CAND2: variants seen among roughly 807,000 people sequenced by gnomAD.
CAND2 encodes the protein cullin associated and neddylation dissociated 2 (putative), also known as cullin-associated NEDD8-dissociated protein 2.
CAND2 carries 62 observed loss-of-function variants against 98.9 expected under a neutral mutation model. The ratio of observed to expected loss-of-function variants is 0.63; its 90% confidence interval spans 0.51 to 0.77. CAND2 has a LOEUF of 0.77. Among genes scored for constraint, CAND2 ranks in the 30% least tolerant of loss-of-function variants. The pLI is 0.00. For missense variants in CAND2, 1,501 were observed against 1,655.2 expected, an observed-to-expected ratio of 0.91 and a Z score of 1.62; for synonymous variants, 770 against 731.9, an observed-to-expected ratio of 1.05 and a Z score of -0.84.
In CAND2 at chr3:12,815,340, G is replaced by T; in HGVS notation, c.1206G>T (p.Val402=). ...VKADVFTAYI[V]LLRQTQPPKG... ...CTGACGTCTTCACTGCTTACATCGT[G>T]CTGCTGCGGCAAACACAGCCCCCGA... The change falls in exon 8 of 15, where the codon GTG becomes GTT. Residue 402 remains valine (V), a synonymous_variant. Transcript: ENST00000456430. This position sits in a 1 kb window ranked among gnomAD's most constrained non-coding sequence, Gnocchi z 5.7. The T allele has an allele frequency of 6.2e-7, 1 of 1,613,998 alleles. No homozygotes were observed. Among genetic ancestry groups the T allele is most frequent in the Non-Finnish European group, 8.5e-7 (1 of 1,180,046 alleles).
chr3:12,828,445 C>T (rs1009771526), intron 13 of CAND2, among the ~76,000 whole-genome samples: 4 of 148,802 alleles, frequency 2.7e-5, no homozygotes, highest in Non-Finnish European at 3.0e-5. Context: ...TCAAGCGATT[C>T]TCCTGCCTCA....
At position 12,817,542 on chromosome 3, in the gene CAND2, G is replaced by A; in HGVS notation, c.2610G>A (p.Leu870=). 1 of 1,613,826 alleles carries A rather than the reference G, an allele frequency of 6.2e-7. No homozygotes were observed. The highest frequency in any genetic ancestry group is 8.5e-7 in the Non-Finnish European group (1 of 1,179,970). ...TGAAGGCGGTGCTCCTGGAAGCTTTGGGGTCACCCAGTGAGGATGTGAGGG... is the reference window on the plus strand; with the variant it reads ...TGAAGGCGGTGCTCCTGGAAGCTTTAGGGTCACCCAGTGAGGATGTGAGGG... ...RELKAVLLEA[L]GSPSEDVRAA... Residue 870 remains leucine (L), a synonymous_variant, in exon 10 of 15, where the codon TTG becomes TTA. Transcript: ENST00000456430.
Position 12,833,833 on chromosome 3 carries a change from C to T in CAND2, c.3562C>T (p.Leu1188=). The part of the protein sequence containing the change: ...KRSAMRAVAA[L]LTIPEVGKSP... The stretch of plus-strand genomic sequence containing the variant: ...CTCTGCAATGAGGGCAGTGGCTGCC[C>T]TGCTGACCATCCCCGAGGTGGGGAA... The change falls in exon 15 of 15, where the codon CTG becomes TTG. Residue 1188 remains leucine (L), a synonymous_variant. Transcript: ENST00000456430. 1 of 1,614,238 alleles carries T rather than the reference C, an allele frequency of 6.2e-7. No individual in the cohort carries two copies. Among genetic ancestry groups the T allele is most frequent in the Non-Finnish European group, 8.5e-7 (1 of 1,180,038 alleles).
chr3:12,822,298 C>CT (rs532826939), intron 11 of CAND2, among the ~76,000 whole-genome samples: 15,407 of 131,874 alleles, frequency 0.12, 1,529 homozygotes, highest in African/African-American at 0.24. Context: ...ATGTTTCAAT[C>CT]TTTTTTTTTT....
At chr3:12,830,606 C>T (rs1194428089) in intron 13 of CAND2, among the ~76,000 whole-genome samples, 2 of 152,234 alleles carry the variant, frequency 1.3e-5, no homozygotes, top group Non-Finnish European at 2.9e-5. Flanking sequence ...CCTTGGAGTC[C>T]ACTCTGCTGC....
At chr3:12,798,533 C>T (rs2061743178) in intron 1 of CAND2, among the ~76,000 whole-genome samples, 1 of 152,160 alleles carries the variant, frequency 6.6e-6, no homozygotes, top group Non-Finnish European at 1.5e-5. Context: ...TAATCTCAGT[C>T]CACCCATGGG....
intron 1 of CAND2, 92 bp downstream of exon 1, chr3:12,796,880 C>A: frequency 2.0e-6 from 2 of 991,040 alleles, no homozygotes; most frequent in Non-Finnish European, 3.1e-6. Context: ...CCCCCATGAC[C>A]ATGCAGCCCC....
At position 12,825,502 on chromosome 3, in the gene CAND2, C is replaced by CT; in HGVS notation, c.3074dup (p.Asn1026GlufsTer27). The CT allele has an allele frequency of 6.4e-7, 1 of 1,570,136 alleles. No individual in the cohort carries two copies. Among genetic ancestry groups the CT allele is most frequent in the African/African-American group, 1.3e-5 (1 of 74,408 alleles). On this transcript the variant is annotated frameshift_variant, in exon 12 of 15. Transcript: ENST00000456430. LOFTEE classifies it high-confidence loss of function. ...CATGGAGAGCCTGCAGGACCCAGACCTGAACGTGCGCCGTGCGACTCTGGC... is the reference window on the plus strand; with the variant it reads ...CATGGAGAGCCTGCAGGACCCAGACCTTGAACGTGCGCCGTGCGACTCTGGC...
rs760533106 is a variant in CAND2 at position 12,831,513 on chromosome 3, C to A, written c.3424C>A (p.Pro1142Thr). Reference sequence around the variant, plus strand: ...CCGGCTGGCCACCCTGTGTCCTGCACCTGTCCTGCAGAGGGTGGACCGACT... The same window carrying A: ...CCGGCTGGCCACCCTGTGTCCTGCAACTGTCCTGCAGAGGGTGGACCGACT... ...VARLATLCPA[P>T]VLQRVDRLIE... Residue 1142 changes from proline (P) to threonine (T), a missense_variant, in exon 14 of 15, where the codon CCT (proline) becomes ACT (threonine). Physicochemically the swap from Pro to Thr is conservative, Grantham distance 38. Coordinates refer to ENST00000456430, the MANE Select transcript of CAND2 (RefSeq NM_001162499.2). 1 of 1,614,048 alleles carries A rather than the reference C, an allele frequency of 6.2e-7. No individual in the cohort carries two copies. The highest frequency in any genetic ancestry group is 8.5e-7 in the Non-Finnish European group (1 of 1,179,996).
At chr3:12,802,832 G>C (rs981219470) in intron 1 of CAND2, among the ~76,000 whole-genome samples, 6 of 152,168 alleles carry the variant, frequency 3.9e-5, no homozygotes, top group Non-Finnish European at 7.3e-5. Context: ...AGGCTATATG[G>C]TGTGGCCTGT....
At chr3:12,812,337 C>T (rs1414298547) in intron 5 of CAND2, among the ~76,000 whole-genome samples, 2 of 150,274 alleles carry the variant, frequency 1.3e-5, no homozygotes, top group Non-Finnish European at 3.0e-5. Context: ...AATTCTCCTG[C>T]CTCAGCCTCC....
In CAND2 at chr3:12,816,360, C is replaced by A; in HGVS notation, c.1442-14C>A. The A allele has an allele frequency of 1.3e-6, 2 of 1,598,448 alleles. No homozygotes were observed. The highest frequency in any genetic ancestry group is 1.7e-6 in the Non-Finnish European group (2 of 1,172,696). On this transcript the variant is annotated splice_polypyrimidine_tract_variant and intron_variant, in intron 9 of 14. Coordinates refer to ENST00000456430, the MANE Select transcript of CAND2 (RefSeq NM_001162499.2). ...AGAGGCGGTGGCCTCATAACCTTTG[C>A]ATTCACCCTGCAGGCATCATCTTCT...
intron 11 of CAND2, among the ~76,000 whole-genome samples, chr3:12,820,524 G>C (rs1272703644): frequency 6.6e-6 from 1 of 152,236 alleles, no homozygotes; most frequent in Non-Finnish European, 1.5e-5. Context: ...TCAACATATA[G>C]ACTCTTGGGA....
chr3:12,818,262 C>A (rs1559554934), intron 10 of CAND2, among the ~76,000 whole-genome samples: 3 of 147,542 alleles, frequency 2.0e-5, no homozygotes, highest in East Asian at 2.0e-4. Context: ...CTGCCTCTAC[C>A]AAAAAAAAAA....
At chr3:12,818,287 C>G (rs570384177) in intron 10 of CAND2, among the ~76,000 whole-genome samples, 1 of 151,944 alleles carries the variant, frequency 6.6e-6, no homozygotes, top group South Asian at 2.1e-4. Context: ...AACAAAAAAC[C>G]TCATGATGCC....
intron 7 of CAND2, 143 bp downstream of exon 7, chr3:12,813,531 A>T (rs746541531): frequency 1.4e-6 from 1 of 721,420 alleles, no homozygotes. Context: ...ACCCGCTGTG[A>T]CTGCACAGAC....
chr3:12,801,329 T>C (rs2061765288), intron 1 of CAND2, among the ~76,000 whole-genome samples: 1 of 152,226 alleles, frequency 6.6e-6, no homozygotes, highest in Non-Finnish European at 1.5e-5. Context: ...TGAGCCGCCA[T>C]GCCAGGCCAA....
chr3:12,826,395 A>G (rs144976595), intron 12 of CAND2, among the ~76,000 whole-genome samples: 148 of 151,528 alleles, frequency 9.8e-4, no homozygotes, highest in African/African-American at 3.4e-3. Flanking sequence ...ACAGGGCTTC[A>G]TGGTTGAAAG....
chr3:12,800,985 A>T (rs2061761707), intron 1 of CAND2, among the ~76,000 whole-genome samples: 1 of 150,948 alleles, frequency 6.6e-6, no homozygotes, highest in Non-Finnish European at 1.5e-5. Context: ...GGCCTCCCAA[A>T]GTGCTGGGAT....
Sources: allele counts gnomAD v4.1 joint callset (sites outside exome capture counted in the v4.1 genomes callset), GRCh38; gene constraint gnomAD v4.1.1; non-coding constraint Gnocchi (gnomAD v3.1); transcripts MANE v1.5; gene names NCBI Gene and HGNC (gene_info 2026-07-23, HGNC 2026-07-21).